TMEM266: variants seen among roughly 807,000 people sequenced by gnomAD.
TMEM266 encodes the protein transmembrane protein 266.
TMEM266 carries 33 observed loss-of-function variants against 50.5 expected under a neutral mutation model. The ratio of observed to expected loss-of-function variants is 0.65; its 90% confidence interval spans 0.50 to 0.87. The LOEUF (loss-of-function observed/expected upper bound fraction) is 0.87. Among genes scored for constraint, TMEM266 ranks in the 40% least tolerant of loss-of-function variants. TMEM266 has a pLI of 0.00. For synonymous variants in TMEM266, 310 were observed against 292.3 expected (o/e 1.06, Z -0.62); for missense variants, 655 against 695.1 (o/e 0.94, Z 0.65).
chr15:76,160,243 C>A lies in TMEM266; in HGVS notation c.456+75C>A. ...CCTGGGGAAACCAAGGTCTACTTCT[C>A]GAAATGGTTTCTAGCATCAGGTCCC... On this transcript the variant is annotated intron_variant, in intron 5 of 10. Coordinates refer to ENST00000388942, the MANE Select transcript of TMEM266 (RefSeq NM_152335.3). This position sits in a 1 kb window ranked among gnomAD's most constrained non-coding sequence, Gnocchi z 5.7. 1 of 1,435,196 alleles carries A rather than the reference C, an allele frequency of 7.0e-7. No individual in the cohort carries two copies. The highest frequency in any genetic ancestry group is 9.8e-7 in the Non-Finnish European group (1 of 1,021,500). The allele number at this position is 1,435,196 out of a possible 1,614,324, so 88.9% of individuals were successfully genotyped here.
chr15:76,142,126 C>T (rs564344527), intron 3 of TMEM266, among the ~76,000 whole-genome samples: 1 of 152,194 alleles, frequency 6.6e-6, no homozygotes, highest in Admixed American at 6.5e-5. Flanking sequence ...CAGTGGCTCA[C>T]GCCTGTAATC....
At chr15:76,186,048 A>T (rs2038486466) in intron 8 of TMEM266, among the ~76,000 whole-genome samples, 1 of 152,118 alleles carries the variant, frequency 6.6e-6, no homozygotes, top group South Asian at 2.1e-4. Flanking sequence ...GGCCCCTGCT[A>T]CCATCAAGCT....
rs974806716 is a variant in TMEM266, at chr15:76,175,539, G to A, written c.653-20G>A. On this transcript the variant is annotated intron_variant, in intron 7 of 10. Transcript: ENST00000388942. ...CCCTGCCACTGCTGAATTCTTTACA[G>A]GGCTGTCTCTGTCTTCCAGCCTACG... 6.3e-7 allele frequency: 1 copy of A among 1,596,778 alleles called. No individual in the cohort carries two copies. The highest frequency in any genetic ancestry group is 8.6e-7 in the Non-Finnish European group (1 of 1,165,178).
intron 1 of TMEM266, among the ~76,000 whole-genome samples, chr15:76,098,896 A>G (rs1402836418): frequency 6.6e-6 from 1 of 152,066 alleles, no homozygotes; most frequent in African/African-American, 2.4e-5. Flanking sequence ...CTGCCTACTC[A>G]AGCCTTAGCA....
At chr15:76,122,980 G>T (rs985783479) in intron 1 of TMEM266, among the ~76,000 whole-genome samples, 3 of 152,200 alleles carry the variant, frequency 2.0e-5, no homozygotes, top group South Asian at 2.1e-4. Context: ...TTGATTTTGT[G>T]TAACCTTATT....
chr15:76,184,288 G>A (rs2038463392), intron 8 of TMEM266, among the ~76,000 whole-genome samples: 1 of 152,176 alleles, frequency 6.6e-6, no homozygotes, highest in Non-Finnish European at 1.5e-5. Flanking sequence ...TAAAACAGCC[G>A]ATAGCTTTAA....
At chr15:76,091,438 A>G (rs1293171115) in intron 1 of TMEM266, among the ~76,000 whole-genome samples, 1 of 151,916 alleles carries the variant, frequency 6.6e-6, no homozygotes, top group African/African-American at 2.4e-5. Flanking sequence ...TAATCCCAGC[A>G]CTTTGGGAGG....
intron 1 of TMEM266, among the ~76,000 whole-genome samples, chr15:76,071,353 C>A (rs1351662585): frequency 2.0e-5 from 3 of 152,178 alleles, no homozygotes; most frequent in Non-Finnish European, 2.9e-5. Context: ...GACTGGTGAA[C>A]TGTTCTGGCC....
chr15:76,060,360 A>AG (rs57501212), intron 1 of TMEM266, among the ~76,000 whole-genome samples: 5,547 of 142,754 alleles, frequency 0.039, 345 homozygotes, highest in African/African-American at 0.13. Flanking sequence ...TGCAAGCTGG[A>AG]GGGGGGGGTT....
intron 1 of TMEM266, among the ~76,000 whole-genome samples, chr15:76,071,338 A>T (rs2036536766): frequency 6.6e-6 from 1 of 152,212 alleles, no homozygotes; most frequent in African/African-American, 2.4e-5. Flanking sequence ...CAAGATCTAT[A>T]GACAGACTGG....
At chr15:76,157,794 C>A (rs1034861821) in intron 4 of TMEM266, among the ~76,000 whole-genome samples, 12 of 152,092 alleles carry the variant, frequency 7.9e-5, no homozygotes, top group Admixed American at 1.3e-4. Flanking sequence ...TGAGACCAGC[C>A]TGGGGAACAT....
chr15:76,169,768 C>T (rs893974802), intron 5 of TMEM266, 48 bp from the exon 6 acceptor site: 3 of 1,581,246 alleles, frequency 1.9e-6, no homozygotes, highest in Non-Finnish European at 2.6e-6. Flanking sequence ...ATCTTCTCGG[C>T]TGGAGGAAGA....
At chr15:76,061,529 C>G (rs748745547) in intron 1 of TMEM266, among the ~76,000 whole-genome samples, 2 of 152,202 alleles carry the variant, frequency 1.3e-5, no homozygotes, top group African/African-American at 4.8e-5. Context: ...TAAAATCAAG[C>G]TTATGCATGA....
chr15:76,182,193 C>T (rs2038422169), intron 8 of TMEM266, among the ~76,000 whole-genome samples: 1 of 152,286 alleles, frequency 6.6e-6, no homozygotes, highest in African/African-American at 2.4e-5. Context: ...AGATTCAAAC[C>T]TCAGCCCCAC....
intron 7 of TMEM266, 158 bp from the exon 8 acceptor site, chr15:76,175,401 T>C: frequency 4.9e-6 from 3 of 612,034 alleles, no homozygotes; most frequent in Non-Finnish European, 8.7e-6. Flanking sequence ...CCCTCTGTAC[T>C]TTCTGGATGC....
chr15:76,168,851 G>A lies in TMEM266; in HGVS notation c.457-965G>A, dbSNP rs1166785289. On this transcript the variant is annotated intron_variant, in intron 5 of 10. Transcript: ENST00000388942. The surrounding 1 kb of genome is among the most constrained non-coding windows in gnomAD (Gnocchi z 4.4). Reference sequence around the variant, plus strand: ...CCAGGAAGGAGGCACCAGCTGAGCCGGGGAGTGTGCAAGAGCTTCATGGAG... The same window carrying A: ...CCAGGAAGGAGGCACCAGCTGAGCCAGGGAGTGTGCAAGAGCTTCATGGAG... Among the ~76,000 whole-genome samples, 1 of 152,212 alleles carries A rather than the reference G, an allele frequency of 6.6e-6. No homozygotes were observed. The highest frequency in any genetic ancestry group is 2.4e-5 in the African/African-American group (1 of 41,472).
chr15:76,086,068 A>G (rs2036772734), intron 1 of TMEM266, among the ~76,000 whole-genome samples: 2 of 150,588 alleles, frequency 1.3e-5, no homozygotes, highest in Admixed American at 6.6e-5. Context: ...AAAAAAAAAG[A>G]AAAAAATGTC....
At chr15:76,189,520 C>A (rs1302723877) in intron 8 of TMEM266, among the ~76,000 whole-genome samples, 1 of 152,120 alleles carries the variant, frequency 6.6e-6, no homozygotes, top group Non-Finnish European at 1.5e-5. Context: ...GCATGTGTCA[C>A]TAAAGTGCTC....
chr15:76,070,020 G>A (rs541485869), intron 1 of TMEM266, among the ~76,000 whole-genome samples: 3 of 152,096 alleles, frequency 2.0e-5, no homozygotes, highest in African/African-American at 7.2e-5. Context: ...TGCATTTATT[G>A]AATATTCCTA....
Sources: allele counts gnomAD v4.1 joint callset (sites outside exome capture counted in the v4.1 genomes callset), GRCh38; gene constraint gnomAD v4.1.1; non-coding constraint Gnocchi (gnomAD v3.1); transcripts MANE v1.5; gene names NCBI Gene and HGNC (gene_info 2026-07-23, HGNC 2026-07-21).